The following PLXDC2 variants were observed in gnomAD, a reference collection of about 807,000 sequenced individuals.
The protein encoded by PLXDC2 is plexin domain-containing protein 2.
In PLXDC2, 40 loss-of-function variants were observed where a neutral mutation model predicts 68.9. The observed-to-expected ratio is 0.58, with a 90% CI of 0.45 to 0.76. The LOEUF (loss-of-function observed/expected upper bound fraction) is 0.76. PLXDC2 is among the 30% of genes least tolerant of loss of function. The probability of loss-of-function intolerance (pLI) is 0.00; values close to 1 mark genes in which losing one functional copy is unlikely to be tolerated. For missense variants in PLXDC2, 644 were observed against 661.9 expected, an observed-to-expected ratio of 0.97 and a Z score of 0.30; for synonymous variants, 243 against 234.2, an observed-to-expected ratio of 1.04 and a Z score of -0.34.
chr10:19,948,761 G>T (rs1415450459), intron 1 of PLXDC2, among the ~76,000 whole-genome samples: 1 of 151,958 alleles, frequency 6.6e-6, no homozygotes, highest in Non-Finnish European at 1.5e-5. Context: ...TTTAAAAATT[G>T]TAGTTACTTT....
At chr10:19,937,988 C>T (rs1833757382) in intron 1 of PLXDC2, among the ~76,000 whole-genome samples, 2 of 152,064 alleles carry the variant, frequency 1.3e-5, no homozygotes, top group African/African-American at 4.8e-5. Context: ...ACACATTTTC[C>T]TTCAGCCCTG....
intron 1 of PLXDC2, among the ~76,000 whole-genome samples, chr10:19,987,708 C>T (rs1300528879): frequency 6.6e-6 from 1 of 151,706 alleles, no homozygotes; most frequent in African/African-American, 2.4e-5. Context: ...ACTATAGGCG[C>T]CCGCCACCAC....
Position 20,245,452 on chromosome 10 carries a change from A to G in PLXDC2, c.1420A>G (p.Thr474Ala), listed in dbSNP as rs781559119. 6.2e-7 allele frequency: 1 copy of G among 1,613,514 alleles called. No individual in the cohort carries two copies. The highest frequency in any genetic ancestry group is 8.5e-7 in the Non-Finnish European group (1 of 1,179,976). The change falls in exon 13 of 14, where the codon ACA (threonine) becomes GCA (alanine). Residue 474 changes from threonine to alanine, a missense_variant. Transcript: ENST00000377252. ...VLIVATAILV[T>A]VYMYHHPTSA... Reference sequence around the variant, plus strand: ...CATTGTAGCCACAGCCATTCTTGTGACAGTCTATATGTATCACCACCCAAC... The same window carrying G: ...CATTGTAGCCACAGCCATTCTTGTGGCAGTCTATATGTATCACCACCCAAC...
At position 19,986,683 on chromosome 10, in the gene PLXDC2, T is replaced by C. The variant is rs539349282; in HGVS notation, c.113-15092T>C. 9.2e-5 allele frequency among the ~76,000 whole-genome samples: 14 copies of C among 152,318 alleles called. No homozygotes were observed. The South Asian group carries it at 2.9e-3, about 32-fold the overall frequency. On this transcript the variant is annotated intron_variant, in intron 1 of 13. Coordinates refer to ENST00000377252, the MANE Select transcript of PLXDC2 (RefSeq NM_032812.9). ...GTGTTTTGGGAGTTGTGAGACATTA[T>C]GTAAAGTTAAAGTGAGAACACGGTG... is the stretch of plus-strand genomic sequence containing the variant.
At chr10:20,021,730 C>T (rs1835313232) in intron 2 of PLXDC2, among the ~76,000 whole-genome samples, 1 of 146,852 alleles carries the variant, frequency 6.8e-6, no homozygotes, top group Admixed American at 6.8e-5. Flanking sequence ...GATGGAGTCT[C>T]ACTCTGTTGC....
intron 9 of PLXDC2, among the ~76,000 whole-genome samples, chr10:20,185,014 G>GGGAA (rs1454972195): frequency 6.6e-5 from 10 of 151,684 alleles, no homozygotes; most frequent in African/African-American, 2.2e-4. Context: ...GGGAGGCAAG[G>GGGAA]GGAAGGAGAG....
intron 4 of PLXDC2, among the ~76,000 whole-genome samples, chr10:20,087,287 G>GGT (rs760681819): frequency 7.9e-5 from 12 of 152,120 alleles, no homozygotes; most frequent in South Asian, 2.1e-4. Context: ...TTGCAGAGGA[G>GGT]GTGTTCATGT....
At chr10:20,079,070 T>C (rs1836503572) in intron 4 of PLXDC2, among the ~76,000 whole-genome samples, 2 of 152,036 alleles carry the variant, frequency 1.3e-5, no homozygotes, top group African/African-American at 4.8e-5. Context: ...TTTTCATATA[T>C]TAAAAATTCA....
intron 11 of PLXDC2, among the ~76,000 whole-genome samples, 159 bp downstream of exon 11, chr10:20,217,735 G>A (rs1835159649): frequency 6.7e-6 from 1 of 150,286 alleles, no homozygotes. Context: ...GATTTCCAAA[G>A]GGGAAAAAGA....
intron 1 of PLXDC2, among the ~76,000 whole-genome samples, chr10:19,859,658 G>A (rs573777637): frequency 6.6e-5 from 10 of 152,146 alleles, no homozygotes; most frequent in African/African-American, 1.9e-4. Flanking sequence ...GAATTTTAAG[G>A]AATCTTAGAA....
At chr10:19,891,467 G>A (rs1304943876) in intron 1 of PLXDC2, among the ~76,000 whole-genome samples, 1 of 152,136 alleles carries the variant, frequency 6.6e-6, no homozygotes, top group Non-Finnish European at 1.5e-5. Flanking sequence ...GTGCTATAGA[G>A]TTTTGAATGA....
At chr10:20,083,101 C>T (rs1422587446) in intron 4 of PLXDC2, among the ~76,000 whole-genome samples, 2 of 152,008 alleles carry the variant, frequency 1.3e-5, no homozygotes, top group African/African-American at 4.8e-5. Context: ...AGTGGTAACC[C>T]CCTAAGAGAC....
At chr10:20,172,880 C>T (rs1589664733) in intron 7 of PLXDC2, among the ~76,000 whole-genome samples, 1 of 152,246 alleles carries the variant, frequency 6.6e-6, no homozygotes, top group East Asian at 1.9e-4. Flanking sequence ...ATTTCACGCT[C>T]AACTAAGGTT....
At chr10:19,853,446 A>G (rs1016990518) in intron 1 of PLXDC2, among the ~76,000 whole-genome samples, 12 of 151,512 alleles carry the variant, frequency 7.9e-5, no homozygotes, top group Non-Finnish European at 1.6e-4. Context: ...TGTATAGATG[A>G]GGTCTCGCTA....
At chr10:20,003,794 G>C (rs1024455216) in intron 2 of PLXDC2, among the ~76,000 whole-genome samples, 1 of 152,160 alleles carries the variant, frequency 6.6e-6, no homozygotes, top group Non-Finnish European at 1.5e-5. Flanking sequence ...TTGGTCCTGA[G>C]AGTGGTATGA....
At chr10:20,114,340 C>G (rs1474668260) in intron 4 of PLXDC2, among the ~76,000 whole-genome samples, 4 of 152,150 alleles carry the variant, frequency 2.6e-5, no homozygotes, top group Non-Finnish European at 5.9e-5. Flanking sequence ...CTACTTTAGC[C>G]CTAATGCCCA....
chr10:19,900,135 C>G (rs2131366711), intron 1 of PLXDC2, among the ~76,000 whole-genome samples: 1 of 152,170 alleles, frequency 6.6e-6, no homozygotes, highest in South Asian at 2.1e-4. Flanking sequence ...TTTCATGTGC[C>G]TACTTAATTA....
chr10:20,034,984 C>T (rs1835555723), intron 2 of PLXDC2, among the ~76,000 whole-genome samples: 1 of 152,168 alleles, frequency 6.6e-6, no homozygotes, highest in Admixed American at 6.5e-5. Context: ...AGAAACTTGT[C>T]ATTAAGCAAC....
At chr10:19,827,257 T>TA (rs1836589810) in intron 1 of PLXDC2, among the ~76,000 whole-genome samples, 1 of 152,218 alleles carries the variant, frequency 6.6e-6, no homozygotes, top group South Asian at 2.1e-4. Context: ...TGATACACAG[T>TA]CTTAATTACT....
Sources: allele counts gnomAD v4.1 joint callset (sites outside exome capture counted in the v4.1 genomes callset), GRCh38; gene constraint gnomAD v4.1.1; transcripts MANE v1.5; gene names NCBI Gene and HGNC (gene_info 2026-07-23, HGNC 2026-07-21).